SLC25A29: variants seen among roughly 807,000 people sequenced by gnomAD.
The protein encoded by SLC25A29 is solute carrier family 25 member 29.
In SLC25A29, 13 loss-of-function variants were observed where a neutral mutation model predicts 10.0. The observed-to-expected ratio is 1.30, with a 90% CI of 0.85 to 2.07. The LOEUF is 2.07. Among genes scored for constraint, SLC25A29 ranks in the 30% most tolerant of loss-of-function variants. SLC25A29 has a pLI of 0.00. For missense variants in SLC25A29, 475 were observed against 447.6 expected, an observed-to-expected ratio of 1.06 and a Z score of -0.55; for synonymous variants, 244 against 221.1, an observed-to-expected ratio of 1.10 and a Z score of -0.92.
chr14:100,298,626 C>T, intron 2 of SLC25A29: 1 of 624,242 alleles, frequency 1.6e-6, no homozygotes, highest in Non-Finnish European at 2.8e-6. Flanking sequence ...TTCCAGCTGG[C>T]CAAGCCCAGG....
the SLC25A29 span, chr14:100,278,682 A>C: frequency 1.3e-5 from 2 of 152,282 alleles, no homozygotes; most frequent in African/African-American, 4.8e-5. Context: ...AGAGTAGGTA[A>C]CAGGCATCCC....
chr14:100,287,859 A>G (rs1286829811), downstream of SLC25A29, among the ~76,000 whole-genome samples: 6 of 152,174 alleles, frequency 3.9e-5, no homozygotes, highest in Non-Finnish European at 8.8e-5. Flanking sequence ...TGCAAATGAC[A>G]GGAATAGTGT....
At chr14:100,297,521 C>A (rs980745053) in intron 2 of SLC25A29, among the ~76,000 whole-genome samples, 1 of 152,252 alleles carries the variant, frequency 6.6e-6, no homozygotes, top group South Asian at 2.1e-4. Context: ...CAACACATGA[C>A]CACGAGACAT....
intron 1 of SLC25A29, among the ~76,000 whole-genome samples, chr14:100,302,971 C>T (rs185812988): frequency 5.3e-5 from 8 of 152,260 alleles, no homozygotes; most frequent in Non-Finnish European, 8.8e-5. Context: ...AAAATTTCCA[C>T]TATTATTTAT....
intron 1 of SLC25A29, among the ~76,000 whole-genome samples, chr14:100,303,774 T>C (rs2139799800): frequency 6.6e-6 from 1 of 151,856 alleles, no homozygotes; most frequent in South Asian, 2.1e-4. Context: ...CCCCAACCAG[T>C]AGTCCTCAGG....
At chr14:100,287,692 C>A (rs1165074438), downstream of SLC25A29, among the ~76,000 whole-genome samples, 3 of 143,508 alleles carry the variant, frequency 2.1e-5, no homozygotes, top group African/African-American at 7.6e-5. Context: ...ATGGCCTCTG[C>A]CCCCCACCCT....
In SLC25A29 at chr14:100,296,723, C is replaced by T. The variant is rs372887565; in HGVS notation, c.78+2119G>A. Among the ~76,000 whole-genome samples the T allele has an allele frequency of 1.1e-3, 163 of 152,180 alleles. 3 individuals carry two copies. Among genetic ancestry groups the T allele is most frequent in the African/African-American group, 2.4e-3 (99 of 41,522 alleles). ...ACGCCATTCTCCTGCCTCAGCCTCC[C>T]GAGTAGCTGGGACTACAGGCACCCG... is the stretch of plus-strand genomic sequence containing the variant. On this transcript the variant is annotated intron_variant, in intron 2 of 3. Transcript: ENST00000359232.
chr14:100,298,050 T>C (rs6575768), intron 2 of SLC25A29: 141,928 of 152,818 alleles, frequency 0.93, 66,749 homozygotes, highest in Non-Finnish European at 1. Flanking sequence ...AAAAGGAGAC[T>C]GGAAGTCTCC....
chr14:100,283,590 G>A, the SLC25A29 span, among the ~76,000 whole-genome samples: 2 of 151,236 alleles, frequency 1.3e-5, no homozygotes, highest in Admixed American at 1.3e-4. Context: ...GGTTCAAGCG[G>A]TTCTCCTGCC....
chr14:100,291,927 G>A lies in SLC25A29; in HGVS notation c.*356C>T. 1 of 323,944 alleles carries A rather than the reference G, an allele frequency of 3.1e-6. No individual in the cohort carries two copies. The highest frequency in any genetic ancestry group is 5.8e-6 in the Non-Finnish European group (1 of 172,168). 20.1% of individuals were successfully genotyped at this position (323,944 alleles called of 1,614,324 possible). A position where few individuals can be genotyped will look rare whatever the true frequency, so the allele number is the denominator to read the frequency against. On this transcript the variant is annotated 3_prime_UTR_variant, in exon 4 of 4. Transcript: ENST00000359232. ...AGACCCCCGGGAGCCAGCCTGCAGG[G>A]CAGGAGCACAATGACGTGGCCAGGA...
intron 1 of SLC25A29, among the ~76,000 whole-genome samples, chr14:100,303,568 T>G (rs969774911): frequency 6.6e-6 from 1 of 152,226 alleles, no homozygotes; most frequent in Admixed American, 6.5e-5. Flanking sequence ...GCGAGGGGCT[T>G]GGTCTCCTTC....
In SLC25A29 at chr14:100,292,526, C is replaced by G; in HGVS notation, c.669G>C (p.Arg223=). Residue 223 remains arginine (R), a synonymous_variant, in exon 4 of 4, where the codon CGG becomes CGC. Transcript: ENST00000359232. ...VKSRLQADGL[R]GAPRYRGILD... ...GGATGCCGCGGTAGCGCGGGGCGCC[C>G]CGCAGTCCGTCCGCCTGCAGCCGCG... The G allele has an allele frequency of 6.3e-7, 1 of 1,593,010 alleles. No homozygotes were observed.
At chr14:100,296,554 G>C (rs779274767) in intron 2 of SLC25A29, 1 of 158,108 alleles carries the variant, frequency 6.3e-6, no homozygotes, top group Admixed American at 6.0e-5. Flanking sequence ...AGCTCGCCAC[G>C]CATGTGTTTT....
downstream of SLC25A29, among the ~76,000 whole-genome samples, chr14:100,288,072 G>A (rs1891580390): frequency 6.6e-6 from 1 of 152,130 alleles, no homozygotes; most frequent in African/African-American, 2.4e-5. Flanking sequence ...TCAGACATAT[G>A]GCCAGCTCCG....
Position 100,298,868 on chromosome 14 carries a change from C to T in SLC25A29, c.52G>A (p.Val18Met). Residue 18 changes from valine (V) to methionine (M), a missense_variant, in exon 2 of 4, where the codon GTG (valine) becomes ATG (methionine). Physicochemically the swap from Val to Met is conservative, Grantham distance 21 (BLOSUM62 1). Transcript: ENST00000359232. ...GCAGGVAGVL[V>M]GHPFDTVKVR... ...TTGACCGTGTCAAACGGGTGTCCCA[C>T]AAGCACGCCTGCCACACCTGGAGGA... The T allele has an allele frequency of 6.2e-7, 1 of 1,614,220 alleles. No homozygotes were observed. Among genetic ancestry groups the T allele is most frequent in the Non-Finnish European group, 8.5e-7 (1 of 1,180,040 alleles).
Position 100,293,321 on chromosome 14 carries a change from G to A in SLC25A29, c.135C>T (p.Cys45=), listed in dbSNP as rs761133533. Residue 45 remains cysteine, a synonymous_variant, in exon 3 of 4, where the codon TGC becomes TGT. Transcript: ENST00000359232. ...TCTCTTGCTTGATGATGGACTTGAA[G>A]CAGTGCAACGTCCCGCGGTACTGAG... The part of the protein sequence containing the change: ...EKPQYRGTLH[C]FKSIIKQESV... The A allele has an allele frequency of 6.2e-7, 1 of 1,613,442 alleles. No individual in the cohort carries two copies. Among genetic ancestry groups the A allele is most frequent in the South Asian group, 1.1e-5 (1 of 91,078 alleles).
At chr14:100,296,375 G>C in intron 2 of SLC25A29, 1 of 255,988 alleles carries the variant, frequency 3.9e-6, no homozygotes, top group East Asian at 9.8e-5. Context: ...GCTGCAGTGG[G>C]CTATGATTGC....
intron 2 of SLC25A29, chr14:100,294,922 T>C (rs1028357968): frequency 2.0e-5 from 3 of 152,246 alleles, no homozygotes; most frequent in Admixed American, 6.5e-5. Flanking sequence ...AACACCTTGA[T>C]GCGAGGTTTG....
rs1372610225 is a variant in SLC25A29 at position 100,292,520 on chromosome 14, G to A, written c.675C>T (p.Ala225=). The A allele has an allele frequency of 1.3e-6, 2 of 1,591,256 alleles. No individual in the cohort carries two copies. Among genetic ancestry groups the A allele is most frequent in the Non-Finnish European group, 1.7e-6 (2 of 1,170,594 alleles). The part of the protein sequence containing the change: ...SRLQADGLRG[A]PRYRGILDCV... Reference sequence around the variant, plus strand: ...AGTCCAGGATGCCGCGGTAGCGCGGGGCGCCCCGCAGTCCGTCCGCCTGCA... The same window carrying A: ...AGTCCAGGATGCCGCGGTAGCGCGGAGCGCCCCGCAGTCCGTCCGCCTGCA... The change falls in exon 4 of 4, where the codon GCC becomes GCT. Residue 225 remains alanine (A), a synonymous_variant. Coordinates refer to ENST00000359232, the MANE Select transcript of SLC25A29 (RefSeq NM_001039355.3).
Sources: gnomAD v4.1 joint callset for allele counts (sites outside exome capture counted in the v4.1 genomes callset) on GRCh38, gnomAD v4.1.1 for gene constraint, MANE v1.5 for transcripts, NCBI Gene and HGNC (gene_info 2026-07-23, HGNC 2026-07-21) for gene names.